The following CCPG1 variants were observed in gnomAD, a reference collection of about 807,000 sequenced individuals.
CCPG1 encodes cell cycle progression protein 1.
CCPG1 carries 46 observed loss-of-function variants against 81.3 expected under a neutral mutation model. That is an observed-to-expected ratio of 0.57 (90% CI 0.45 to 0.72). The LOEUF is 0.72. Ranked by LOEUF, CCPG1 falls within the 30% of genes least tolerant of loss-of-function variation. CCPG1 has a pLI of 0.00. For missense variants in CCPG1, 902 were observed against 937.6 expected, an observed-to-expected ratio of 0.96 and a Z score of 0.50; for synonymous variants, 330 against 305.2, an observed-to-expected ratio of 1.08 and a Z score of -0.85.
Position 55,377,135 on chromosome 15 carries a change from T to C in CCPG1, c.268A>G (p.Ile90Val), listed in dbSNP as rs777817316. Reference protein sequence around the residue: ...SSTIEAEEQKIPEDSIYIGTA... With the variant: ...SSTIEAEEQKVPEDSIYIGTA... ...CCAATATAGATACTGTCTTCGGGTA[T>C]CTTTTGTTCCTCTGCCTGAAGAATC... is the stretch of plus-strand genomic sequence containing the variant. The change falls in exon 5 of 9, where the codon ATA becomes GTA. Residue 90 changes from isoleucine (I) to valine (V), a missense_variant. By Grantham distance (29) the Ile-to-Val change is conservative (BLOSUM62 3). Coordinates refer to ENST00000442196, the MANE Select transcript of CCPG1 (RefSeq NM_001204450.2). The C allele has an allele frequency of 6.2e-7, 1 of 1,612,160 alleles. No individual in the cohort carries two copies. The highest frequency in any genetic ancestry group is 1.7e-5 in the Admixed American group (1 of 59,936).
chr15:55,374,524 G>A (rs913491874), intron 5 of CCPG1, among the ~76,000 whole-genome samples: 1 of 151,562 alleles, frequency 6.6e-6, no homozygotes, highest in African/African-American at 2.4e-5. Context: ...GTCAGGAGAA[G>A]AAAAAATTGA....
chr15:55,403,207 C>CCCA (rs1381508137), intron 1 of CCPG1, among the ~76,000 whole-genome samples: 34 of 152,182 alleles, frequency 2.2e-4, no homozygotes, highest in African/African-American at 7.2e-4. Flanking sequence ...CACAAATACC[C>CCCA]CCATAAAGGC....
At chr15:55,405,151 G>A (rs960235999) in intron 1 of CCPG1, among the ~76,000 whole-genome samples, 5 of 151,456 alleles carry the variant, frequency 3.3e-5, no homozygotes, top group Middle Eastern at 3.5e-3. Flanking sequence ...ACCTGAGGTC[G>A]GGAGTTTGAG....
intron 7 of CCPG1, among the ~76,000 whole-genome samples, chr15:55,361,436 G>A (rs575105359): frequency 3.5e-4 from 53 of 151,838 alleles, no homozygotes; most frequent in African/African-American, 1.0e-3. Flanking sequence ...AGCTGGGCGC[G>A]GTGGCTCATG....
chr15:55,389,763 G>A (rs955264925), intron 1 of CCPG1, among the ~76,000 whole-genome samples: 1 of 152,202 alleles, frequency 6.6e-6, no homozygotes, highest in African/African-American at 2.4e-5. Context: ...ATGGGGAGCA[G>A]GCAGCAACAG....
chr15:55,355,685 T>C lies in CCPG1; in HGVS notation c.*535A>G. On this transcript the variant is annotated 3_prime_UTR_variant, in exon 9 of 9. Coordinates refer to ENST00000442196, the MANE Select transcript of CCPG1 (RefSeq NM_001204450.2). ...TATTGTTTCTTCCACGATATTCAGATGTGCAAAAAATTTCACAAGAAAACA... is the reference window on the plus strand; with the variant it reads ...TATTGTTTCTTCCACGATATTCAGACGTGCAAAAAATTTCACAAGAAAACA... The C allele has an allele frequency of 3.4e-6, 1 of 297,536 alleles. No homozygotes were observed. Among genetic ancestry groups the C allele is most frequent in the Non-Finnish European group, 6.1e-6 (1 of 163,958 alleles). 18.4% of individuals were successfully genotyped at this position (297,536 alleles called of 1,614,324 possible).
intron 5 of CCPG1, chr15:55,374,134 G>A: frequency 7.9e-7 from 1 of 1,258,538 alleles, no homozygotes; most frequent in Non-Finnish European, 1.0e-6. Context: ...TAGAGAAGCT[G>A]GTCAGATTTA....
chr15:55,368,360 T>C (rs1486817344), intron 6 of CCPG1, among the ~76,000 whole-genome samples: 2 of 152,188 alleles, frequency 1.3e-5, no homozygotes, highest in Non-Finnish European at 2.9e-5. Flanking sequence ...CCACCTTCCC[T>C]TGAGTCTATC....
chr15:55,381,425 G>A (rs1002104689), intron 3 of CCPG1, among the ~76,000 whole-genome samples: 1 of 152,178 alleles, frequency 6.6e-6, no homozygotes, highest in Non-Finnish European at 1.5e-5. Flanking sequence ...AACAGTGCGA[G>A]ACTCTGTCTC....
intron 1 of CCPG1, among the ~76,000 whole-genome samples, chr15:55,397,556 C>G (rs1261877130): frequency 2.0e-5 from 3 of 152,172 alleles, no homozygotes; most frequent in African/African-American, 4.8e-5. Context: ...AAAGGTACAG[C>G]AGCCAACAGG....
Position 55,356,245 on chromosome 15 carries a change from T to G in CCPG1, c.2399A>C (p.Gln800Pro). The G allele has an allele frequency of 6.5e-7, 1 of 1,534,330 alleles. No homozygotes were observed. Among genetic ancestry groups the G allele is most frequent in the Non-Finnish European group, 8.7e-7 (1 of 1,146,238 alleles). ...TCAGTATTGAGGATCAAAAGGTAAT[T>G]GCCCCAATTCTATTTCAAGATTTGC... Reference protein sequence around the residue: ...QMANLEIELGQLPFDPQY With the variant: ...QMANLEIELGPLPFDPQY Residue 800 changes from glutamine (Q) to proline (P), a missense_variant, in exon 9 of 9, where the codon CAA becomes CCA. Coordinates refer to ENST00000442196, the MANE Select transcript of CCPG1 (RefSeq NM_001204450.2).
chr15:55,367,572 G>C (rs907695656), intron 6 of CCPG1, among the ~76,000 whole-genome samples: 1 of 151,414 alleles, frequency 6.6e-6, no homozygotes, highest in Admixed American at 6.6e-5. Flanking sequence ...CTTCTCATCA[G>C]AGCTTCTAGC....
intron 3 of CCPG1, 21 bp from the exon 4 acceptor site, chr15:55,378,397 A>G (rs1406927950): frequency 1.3e-6 from 2 of 1,494,034 alleles, no homozygotes; most frequent in African/African-American, 1.4e-5. Flanking sequence ...GCAAAGATCA[A>G]TATAATTATT....
chr15:55,358,815 C>T, intron 8 of CCPG1: 8 of 979,826 alleles, frequency 8.2e-6, no homozygotes, highest in Non-Finnish European at 9.7e-6. Flanking sequence ...AGCTTAATGA[C>T]TAAAGACACC....
At position 55,355,896 on chromosome 15, in the gene CCPG1, A is replaced by G. The variant is rs759323081; in HGVS notation, c.*324T>C. ...CAGTGTTAATTACACTTTGTCATGT[A>G]TGACTGAGCTTGCTTTAAGCTCTTA... On this transcript the variant is annotated 3_prime_UTR_variant, in exon 9 of 9. Transcript: ENST00000442196. 3 of 324,444 alleles carry G rather than the reference A, an allele frequency of 9.2e-6. No homozygotes were observed. Among genetic ancestry groups the G allele is most frequent in the Admixed American group, 9.6e-5 (2 of 20,860 alleles). 20.1% of individuals were successfully genotyped at this position (324,444 alleles called of 1,614,324 possible).
intron 1 of CCPG1, among the ~76,000 whole-genome samples, chr15:55,407,046 CCCG>C (rs1566988304): frequency 6.6e-5 from 9 of 136,236 alleles, no homozygotes; most frequent in African/African-American, 3.1e-4. Context: ...GACCCCCCCC[CCCG>C]CCCCGCCGTC....
chr15:55,361,748 G>A (rs12324612), intron 7 of CCPG1, among the ~76,000 whole-genome samples: 2,423 of 151,952 alleles, frequency 0.016, 65 homozygotes, highest in African/African-American at 0.056. Flanking sequence ...TACATCGAGA[G>A]CTGACTTACG....
At chr15:55,388,896 C>T (rs982357774) in intron 2 of CCPG1, among the ~76,000 whole-genome samples, 2 of 151,794 alleles carry the variant, frequency 1.3e-5, no homozygotes, top group East Asian at 1.9e-4. Flanking sequence ...TGGTGAAACT[C>T]GTCTCTACTG....
chr15:55,374,180 A>G, intron 5 of CCPG1: 1 of 1,289,120 alleles, frequency 7.8e-7, no homozygotes, highest in East Asian at 5.5e-5. Context: ...GGCTAGGAAC[A>G]TGGTGTTTCA....
Sources: allele counts gnomAD v4.1 joint callset (sites outside exome capture counted in the v4.1 genomes callset), GRCh38; gene constraint gnomAD v4.1.1; transcripts MANE v1.5; gene names NCBI Gene and HGNC (gene_info 2026-07-23, HGNC 2026-07-21).